The following QRICH1 variants were observed in gnomAD, a reference collection of about 807,000 sequenced individuals.
QRICH1 encodes transcriptional regulator QRICH1.
A neutral mutation model predicts 87.1 loss-of-function variants in QRICH1; 16 were observed. The ratio of observed to expected loss-of-function variants is 0.18; its 90% CI spans 0.12 to 0.28. The LOEUF is 0.28. QRICH1 is among the 10% of genes least tolerant of loss of function. The pLI, the probability that QRICH1 is intolerant of heterozygous loss-of-function variation, is 1.00. For missense variants in QRICH1, 647 were observed against 951.7 expected, an observed-to-expected ratio of 0.68 and a Z score of 4.21; for synonymous variants, 367 against 368.4, an observed-to-expected ratio of 1.00 and a Z score of 0.05.
intron 3 of QRICH1, among the ~76,000 whole-genome samples, chr3:49,052,151 A>T (rs960118869): frequency 2.6e-5 from 4 of 152,064 alleles, no homozygotes; most frequent in Non-Finnish European, 4.4e-5. Context: ...GAGATGATAT[A>T]AGAGATTTTG....
At chr3:49,040,183 T>A (rs1210409707) in intron 6 of QRICH1, among the ~76,000 whole-genome samples, 1 of 152,274 alleles carries the variant, frequency 6.6e-6, no homozygotes, top group Non-Finnish European at 1.5e-5. Flanking sequence ...AAGTGAAGTC[T>A]GCATATCCAT....
At chr3:49,049,949 C>A (rs1326758416) in intron 3 of QRICH1, among the ~76,000 whole-genome samples, 1 of 151,184 alleles carries the variant, frequency 6.6e-6, no homozygotes, top group Non-Finnish European at 1.5e-5. Flanking sequence ...ACACATAATC[C>A]CAGCACTCTG....
chr3:49,088,761 G>C (rs917467779), intron 1 of QRICH1, among the ~76,000 whole-genome samples: 1 of 151,640 alleles, frequency 6.6e-6, no homozygotes, highest in African/African-American at 2.4e-5. Context: ...GAGTAGCTGG[G>C]ACTACAGGTC....
At position 49,067,507 on chromosome 3, in the gene QRICH1, G is replaced by A. The variant is rs1382148236; in HGVS notation, c.309+9202C>T. ...GGTGTGATTCCAGGAGGCGGAGCTTGCAGTGAGCCGAGATAGCACCACTGC... is the reference window on the plus strand; with the variant it reads ...GGTGTGATTCCAGGAGGCGGAGCTTACAGTGAGCCGAGATAGCACCACTGC... On this transcript the variant is annotated intron_variant, in intron 2 of 9. Coordinates refer to ENST00000395443, the MANE Select transcript of QRICH1 (RefSeq NM_198880.3). Among the ~76,000 whole-genome samples, 3 of 151,958 alleles carry A rather than the reference G, an allele frequency of 2.0e-5. No individual in the cohort carries two copies. In the South Asian group the frequency reaches 6.2e-4, roughly 32 times the overall value.
At chr3:49,059,063 G>A (rs2093419702) in intron 2 of QRICH1, among the ~76,000 whole-genome samples, 2 of 150,340 alleles carry the variant, frequency 1.3e-5, no homozygotes, top group Non-Finnish European at 1.5e-5. Context: ...CCGGGTTCAC[G>A]CCATTCTCCT....
intron 2 of QRICH1, among the ~76,000 whole-genome samples, chr3:49,074,933 T>C (rs1040218448): frequency 6.6e-6 from 1 of 150,866 alleles, no homozygotes; most frequent in Non-Finnish European, 1.5e-5. Flanking sequence ...GAGCTGAGAT[T>C]GCACCACTGC....
Position 49,033,221 on chromosome 3 carries a change from G to C in QRICH1, c.1794C>G (p.Val598=). 1 of 1,560,606 alleles carries C rather than the reference G, an allele frequency of 6.4e-7. No homozygotes were observed. Among genetic ancestry groups the C allele is most frequent in the Non-Finnish European group, 8.7e-7 (1 of 1,155,324 alleles). ...VQPRVTPLGY[V]LPSHVTEEML... is the part of the protein sequence containing the mutation. ...TCTCCTCAGTCACGTGGCTGGGCAAGACATAGCCTAGGAGGAATAGAGTAC... is the reference window on the plus strand; with the variant it reads ...TCTCCTCAGTCACGTGGCTGGGCAACACATAGCCTAGGAGGAATAGAGTAC... Residue 598 remains valine, a synonymous_variant, in exon 7 of 10, where the codon GTC becomes GTG. Transcript: ENST00000395443.
rs1177603607 is a variant in QRICH1 at position 49,046,628 on chromosome 3, T to C, written c.1517-49A>G. 1.9e-6 allele frequency: 3 copies of C among 1,596,590 alleles called. No homozygotes were observed. The African/African-American group carries it at 4.0e-5, about 22-fold the overall frequency. The stretch of plus-strand genomic sequence containing the variant: ...AATGAAGGTCCTGGGGGTCCATATC[T>C]GGAAGGCTCAGAACAGATACTGCCC... On this transcript the variant is annotated intron_variant, in intron 4 of 9. Coordinates refer to ENST00000395443, the MANE Select transcript of QRICH1 (RefSeq NM_198880.3).
chr3:49,044,366 T>C (rs748260005), intron 6 of QRICH1, 24 bp downstream of exon 6: 1 of 1,529,686 alleles, frequency 6.5e-7, no homozygotes, highest in Non-Finnish European at 8.9e-7. Flanking sequence ...AGGAAAGATA[T>C]CCAAGGACAA....
rs1676664013 is a variant in QRICH1 at position 49,047,173 on chromosome 3, T to C, written c.1412A>G (p.Asn471Ser). The change falls in exon 4 of 10, where the codon AAT (asparagine) becomes AGT (serine). Residue 471 changes from asparagine (N) to serine (S), a missense_variant. Asn to Ser is a conservative substitution (Grantham distance 46). Around this residue, in one of 7 missense-constraint regions of QRICH1, gnomAD observed 187 missense variants for 309.5 expected, o/e 0.60. Coordinates refer to ENST00000395443, the MANE Select transcript of QRICH1 (RefSeq NM_198880.3). ...AAGCCCTTCTTCTGGCTTCAAAGAA[T>C]TTGGAAGCAGAAGTTCTGGGGAAGG... ...PQPSPELLLP[N>S]SLKPEEGLEV... is the part of the protein sequence containing the mutation. The C allele has an allele frequency of 6.2e-7, 1 of 1,614,056 alleles. No homozygotes were observed. Among genetic ancestry groups the C allele is most frequent in the Non-Finnish European group, 8.5e-7 (1 of 1,180,042 alleles).
intron 1 of QRICH1, chr3:49,083,274 G>C (rs932989075): frequency 4.0e-5 from 6 of 148,842 alleles, no homozygotes; most frequent in African/African-American, 1.5e-4. Flanking sequence ...AGCTACTCAA[G>C]AGACTGAAAC....
chr3:49,059,506 G>A (rs922358800), intron 2 of QRICH1, among the ~76,000 whole-genome samples: 6 of 146,184 alleles, frequency 4.1e-5, no homozygotes, highest in Non-Finnish European at 7.5e-5. Flanking sequence ...TGCAACCTCC[G>A]CCTCCTGGGT....
intron 3 of QRICH1, among the ~76,000 whole-genome samples, chr3:49,051,581 T>TC (rs2093370467): frequency 3.2e-4 from 4 of 12,636 alleles, no homozygotes; most frequent in African/African-American, 1.4e-3. Context: ...GAACCCCCCC[T>TC]GCGCCCCCCC....
chr3:49,033,888 G>C (rs945773563), intron 6 of QRICH1: 1 of 152,160 alleles, frequency 6.6e-6, no homozygotes, highest in Non-Finnish European at 1.5e-5. Flanking sequence ...TCGGGAGGCT[G>C]AGACAGGAGA....
At chr3:49,079,921 C>A (rs1440193562) in intron 1 of QRICH1, among the ~76,000 whole-genome samples, 1 of 151,464 alleles carries the variant, frequency 6.6e-6, no homozygotes, top group African/African-American at 2.4e-5. Context: ...ACCAGCTACT[C>A]GGGAGGCCGA....
chr3:49,058,666 T>C (rs2093417129), intron 2 of QRICH1, among the ~76,000 whole-genome samples: 1 of 151,970 alleles, frequency 6.6e-6, no homozygotes, highest in African/African-American at 2.4e-5. Flanking sequence ...TTTGCTCTTG[T>C]TGCCCAGGCT....
chr3:49,045,605 T>TC (rs2093334605), intron 5 of QRICH1, among the ~76,000 whole-genome samples: 1 of 151,814 alleles, frequency 6.6e-6, no homozygotes, highest in African/African-American at 2.4e-5. Flanking sequence ...TAATTTTTTT[T>TC]CTTTTCGTTT....
intron 1 of QRICH1, among the ~76,000 whole-genome samples, chr3:49,089,375 A>G (rs1185614536): frequency 6.6e-6 from 1 of 152,036 alleles, no homozygotes; most frequent in Non-Finnish European, 1.5e-5. Flanking sequence ...TCTATTTTCA[A>G]TCAGGAAACT....
At chr3:49,047,355 C>A (rs2093344559) in intron 3 of QRICH1, 109 bp from the exon 4 acceptor site, 2 of 1,076,064 alleles carry the variant, frequency 1.9e-6, no homozygotes, top group East Asian at 5.0e-5. Context: ...GAAAATATTT[C>A]TCTACTCATT....
Sources: allele counts gnomAD v4.1 joint callset (sites outside exome capture counted in the v4.1 genomes callset), GRCh38; gene constraint gnomAD v4.1.1; regional missense constraint gnomAD v4.1.1; transcripts MANE v1.5; gene names NCBI Gene and HGNC (gene_info 2026-07-23, HGNC 2026-07-21).